Variants in GLE1 observed in about 807,000 individuals in gnomAD.
The protein encoded by GLE1 is mRNA export factor GLE1.
Under a neutral mutation model 97.3 loss-of-function variants are expected in GLE1, and 78 were observed. That is an observed-to-expected ratio of 0.80 (90% CI 0.67 to 0.97). GLE1 has a LOEUF of 0.97. Ranked by LOEUF, GLE1 falls within the 50% of genes least tolerant of loss-of-function variation. The pLI is 0.00. For synonymous variants in GLE1, 302 were observed against 313.4 expected (o/e 0.96, Z 0.39); for missense variants, 753 against 857.5 (o/e 0.88, Z 1.52).
At position 128,525,290 on chromosome 9, in the gene GLE1, C is replaced by T. The variant is rs915370297; in HGVS notation, c.996C>T (p.Ala332=). Residue 332 remains alanine, a synonymous_variant, in exon 7 of 16, where the codon GCC becomes GCT. Transcript: ENST00000309971. ...LMNLGQEITR[A]CEDKRRQDEE... ...ACTTGGGGCAGGAGATCACCAGAGC[C>T]TGCGAAGACAAGAGGAGGCAGGATG... The T allele has an allele frequency of 3.1e-6, 5 of 1,614,014 alleles. No homozygotes were observed. The highest frequency in any genetic ancestry group is 4.2e-6 in the Non-Finnish European group (5 of 1,179,926).
chr9:128,524,376 A>G (rs1437975496), intron 6 of GLE1, among the ~76,000 whole-genome samples: 1 of 150,654 alleles, frequency 6.6e-6, no homozygotes, highest in Non-Finnish European at 1.5e-5. Flanking sequence ...CACGGTGCCA[A>G]ACTTTTTTTG....
chr9:128,507,964 G>A (rs1846689779), intron 1 of GLE1, among the ~76,000 whole-genome samples: 1 of 152,148 alleles, frequency 6.6e-6, no homozygotes, highest in African/African-American at 2.4e-5. Context: ...TGGATCGCCT[G>A]AGGTCAGGAG....
In GLE1 at chr9:128,538,079, G is replaced by T. The variant is rs758863992; in HGVS notation, c.1870G>T (p.Asp624Tyr). The change falls in exon 13 of 16, where the codon GAC becomes TAC. Residue 624 changes from aspartate (D) to tyrosine (Y), a missense_variant. Asp to Tyr is a radical substitution (Grantham distance 160, BLOSUM62 -3). Transcript: ENST00000309971. ...LSDVTATLLF[D>Y]FLEVCGNALM... ...AGATGTGACAGCCACCCTCCTCTTT[G>T]ACTTCCTGGAGGTACGTAACTCAGT... is the stretch of plus-strand genomic sequence containing the variant. The T allele has an allele frequency of 1.3e-6, 2 of 1,586,750 alleles. No individual in the cohort carries two copies. Among genetic ancestry groups the T allele is most frequent in the African/African-American group, 2.7e-5 (2 of 74,316 alleles).
At chr9:128,518,855 G>A (rs565456965) in intron 3 of GLE1, among the ~76,000 whole-genome samples, 49 of 147,442 alleles carry the variant, frequency 3.3e-4, no homozygotes, top group Non-Finnish European at 6.6e-4. Context: ...GCGACAGAGC[G>A]AGACTCCAAA....
At position 128,533,791 on chromosome 9, in the gene GLE1, C is replaced by T; in HGVS notation, c.1486C>T (p.His496Tyr). 5 of 1,614,150 alleles carry T rather than the reference C, an allele frequency of 3.1e-6. No individual in the cohort carries two copies. The highest frequency in any genetic ancestry group is 3.4e-6 in the Non-Finnish European group (4 of 1,179,992). ...AGGCGAGGAGGAAGTGGCCTCTCAC[C>T]ATGAAGCAGCATTCCCCATTGCAGT... ...KQGEEEVASH[H>Y]EAAFPIAVVA... The change falls in exon 11 of 16, where the codon CAT (histidine) becomes TAT (tyrosine). Residue 496 changes from histidine (H) to tyrosine (Y), a missense_variant. Physicochemically the swap from His to Tyr is moderately conservative, Grantham distance 83. Coordinates refer to ENST00000309971, the MANE Select transcript of GLE1 (RefSeq NM_001003722.2).
chr9:128,535,735 C>T (rs985210861), intron 11 of GLE1, among the ~76,000 whole-genome samples: 4 of 151,974 alleles, frequency 2.6e-5, no homozygotes, highest in Non-Finnish European at 4.4e-5. Context: ...GCAGAAGAAT[C>T]GCTTGAACCC....
At chr9:128,521,905 A>G (rs1360311109) in intron 3 of GLE1, among the ~76,000 whole-genome samples, 1 of 152,230 alleles carries the variant, frequency 6.6e-6, no homozygotes, top group Non-Finnish European at 1.5e-5. Context: ...CTCTCATGAA[A>G]TGATAAATTC....
intron 1 of GLE1, among the ~76,000 whole-genome samples, chr9:128,507,641 A>G (rs575247380): frequency 2.1e-4 from 32 of 150,760 alleles, no homozygotes; most frequent in African/African-American, 7.3e-4. Context: ...TAATCCCAAC[A>G]CTTTGGGAGG....
intron 1 of GLE1, among the ~76,000 whole-genome samples, chr9:128,506,603 G>C (rs747236211): frequency 6.6e-6 from 1 of 152,178 alleles, no homozygotes; most frequent in Non-Finnish European, 1.5e-5. Flanking sequence ...GGATGGTGCT[G>C]TATTGGCAAA....
intron 3 of GLE1, 99 bp downstream of exon 3, chr9:128,515,738 T>C (rs1846967031): frequency 1.4e-6 from 1 of 724,042 alleles, no homozygotes; most frequent in Admixed American, 2.0e-5. Context: ...CTACTCATCC[T>C]TCCCACCTAC....
At chr9:128,537,453 C>T (rs1430660387) in intron 12 of GLE1, among the ~76,000 whole-genome samples, 1 of 43,946 alleles carries the variant, frequency 2.3e-5, no homozygotes, top group Non-Finnish European at 4.3e-5. Flanking sequence ...AACTCTCCCT[C>T]AAAAAAAAAA....
chr9:128,535,914 T>C (rs115153090), intron 11 of GLE1, among the ~76,000 whole-genome samples: 2,299 of 152,198 alleles, frequency 0.015, 51 homozygotes, highest in African/African-American at 0.052. Flanking sequence ...TGGTGAAGTT[T>C]GCAGTGAGCC....
chr9:128,525,292 G>T lies in GLE1; in HGVS notation c.998G>T (p.Cys333Phe), dbSNP rs763021515. 2.5e-6 allele frequency: 4 copies of T among 1,614,008 alleles called. No individual in the cohort carries two copies. The African/African-American group carries it at 5.3e-5, about 22-fold the overall frequency. The change falls in exon 7 of 16, where the codon TGC becomes TTC. Residue 333 changes from cysteine (C) to phenylalanine (F), a missense_variant. Physicochemically the swap from Cys to Phe is radical, Grantham distance 205. Transcript: ENST00000309971. ...MNLGQEITRA[C>F]EDKRRQDEEE... Reference sequence around the variant, plus strand: ...TTGGGGCAGGAGATCACCAGAGCCTGCGAAGACAAGAGGAGGCAGGATGAA... The same window carrying T: ...TTGGGGCAGGAGATCACCAGAGCCTTCGAAGACAAGAGGAGGCAGGATGAA...
rs1847502462 is a variant in GLE1 at position 128,531,423 on chromosome 9, A to T, written c.1313-2090A>T. Among the ~76,000 whole-genome samples the T allele has an allele frequency of 2.0e-5, 3 of 151,468 alleles. No individual in the cohort carries two copies. The Admixed American group carries it at 2.0e-4, about 10-fold the overall frequency. On this transcript the variant is annotated intron_variant, in intron 9 of 15. Transcript: ENST00000309971. Reference sequence around the variant, plus strand: ...GCGCCTGTAATCCCAGCTACTCGGGAGGCTGAGGCAGGAAAATCACTTCAA... The same window carrying T: ...GCGCCTGTAATCCCAGCTACTCGGGTGGCTGAGGCAGGAAAATCACTTCAA...
rs78169276 is a variant in GLE1, at chr9:128,531,525, C to CAAAAAAAA, written c.1313-1979_1313-1972dup. Reference sequence around the variant, plus strand: ...TGGGTGACAGAGTGAGACTTCATCTCAAAAAAAAAAAAAAAAGTGGATGTC... The same window carrying CAAAAAAAA: ...TGGGTGACAGAGTGAGACTTCATCTCAAAAAAAAAAAAAAAAAAAAAAAAGTGGATGTC... On this transcript the variant is annotated intron_variant, in intron 9 of 15. Coordinates refer to ENST00000309971, the MANE Select transcript of GLE1 (RefSeq NM_001003722.2). Among the ~76,000 whole-genome samples, 5 of 92,324 alleles carry CAAAAAAAA rather than the reference C, an allele frequency of 5.4e-5. No individual in the cohort carries two copies. The South Asian group carries it at 1.7e-3, about 31-fold the overall frequency. 60.6% of individuals were successfully genotyped at this position (92,324 alleles called of 152,430 possible).
At chr9:128,522,837 A>T (rs984966146) in intron 4 of GLE1, 21 bp downstream of exon 4, 1 of 1,612,494 alleles carries the variant, frequency 6.2e-7, no homozygotes, top group Non-Finnish European at 8.5e-7. Flanking sequence ...CTGAATTATG[A>T]CTGGGAATGT....
chr9:128,537,806 T>C (rs1847763801), intron 12 of GLE1, among the ~76,000 whole-genome samples, 180 bp from the exon 13 acceptor site: 1 of 152,162 alleles, frequency 6.6e-6, no homozygotes, highest in East Asian at 1.9e-4. Flanking sequence ...TGAGACCCTG[T>C]CTCAAAAAAA....
chr9:128,516,647 G>C (rs1846997159), intron 3 of GLE1, among the ~76,000 whole-genome samples: 1 of 151,270 alleles, frequency 6.6e-6, no homozygotes, highest in South Asian at 2.1e-4. Context: ...TTTTGAGACA[G>C]AGTCTTGCTG....
At chr9:128,505,821 C>T (rs1272594959) in intron 1 of GLE1, among the ~76,000 whole-genome samples, 5 of 152,134 alleles carry the variant, frequency 3.3e-5, no homozygotes, top group African/African-American at 4.8e-5. Context: ...TCTGGGCAAA[C>T]CTTAATCCTC....
Sources: gnomAD v4.1 joint callset for allele counts (sites outside exome capture counted in the v4.1 genomes callset) on GRCh38, gnomAD v4.1.1 for gene constraint, MANE v1.5 for transcripts, NCBI Gene and HGNC (gene_info 2026-07-23, HGNC 2026-07-21) for gene names.